The following ALK variants were observed in gnomAD, a reference collection of about 807,000 sequenced individuals.
The protein encoded by ALK is ALK tyrosine kinase receptor.
A neutral mutation model predicts 163.1 loss-of-function variants in ALK; 74 were observed. The observed-to-expected ratio is 0.45, with a 90% CI of 0.38 to 0.55. The LOEUF (loss-of-function observed/expected upper bound fraction) is 0.55, where lower values mean the gene tolerates loss of function less well. ALK is among the 20% of genes least tolerant of loss of function. The pLI is 0.00. For missense variants in ALK, 2,063 were observed against 2,105.3 expected, an observed-to-expected ratio of 0.98 and a Z score of 0.39; for synonymous variants, 960 against 843.2, an observed-to-expected ratio of 1.14 and a Z score of -2.40.
intron 1 of ALK, among the ~76,000 whole-genome samples, chr2:29,852,719 C>A (rs1019955377): frequency 6.6e-6 from 1 of 152,126 alleles, no homozygotes; most frequent in African/African-American, 2.4e-5. Context: ...AAGCCTAAAT[C>A]CCCAGTGTGA....
chr2:29,846,251 C>A (rs911528378), intron 1 of ALK, among the ~76,000 whole-genome samples: 1 of 152,146 alleles, frequency 6.6e-6, no homozygotes, highest in African/African-American at 2.4e-5. Flanking sequence ...TGGCACTTGC[C>A]CCCCCACCTG....
At chr2:29,526,460 T>C (rs1672963179) in intron 4 of ALK, among the ~76,000 whole-genome samples, 1 of 152,234 alleles carries the variant, frequency 6.6e-6, no homozygotes, top group Non-Finnish European at 1.5e-5. Context: ...AAATTACCTT[T>C]AGAGCCTTTG....
chr2:29,884,388 T>C (rs1347455129), intron 1 of ALK, among the ~76,000 whole-genome samples: 2 of 152,152 alleles, frequency 1.3e-5, no homozygotes, highest in Non-Finnish European at 2.9e-5. Flanking sequence ...GATGAATTGC[T>C]TGATATGTGC....
At chr2:29,194,946 A>G (rs1222826404) in intron 28 of ALK, among the ~76,000 whole-genome samples, 2 of 152,226 alleles carry the variant, frequency 1.3e-5, no homozygotes, top group African/African-American at 2.4e-5. Flanking sequence ...AGCAGCTGCC[A>G]GAAGTTTAGG....
intron 3 of ALK, among the ~76,000 whole-genome samples, chr2:29,656,188 T>C (rs901592034): frequency 2.0e-5 from 3 of 152,124 alleles, no homozygotes; most frequent in Non-Finnish European, 4.4e-5. Flanking sequence ...CATTAAATAC[T>C]TCATTAACCC....
intron 8 of ALK, among the ~76,000 whole-genome samples, chr2:29,297,949 G>C (rs1026458155): frequency 1.3e-5 from 2 of 152,080 alleles, no homozygotes; most frequent in Non-Finnish European, 2.9e-5. Flanking sequence ...TATGTCTTAT[G>C]GTAAACTGGC....
intron 5 of ALK, among the ~76,000 whole-genome samples, chr2:29,341,449 C>G (rs972729110): frequency 2.6e-5 from 4 of 152,186 alleles, no homozygotes; most frequent in Admixed American, 1.3e-4. Context: ...GGCTGGGAGA[C>G]AGTCAGCAAG....
intron 8 of ALK, among the ~76,000 whole-genome samples, chr2:29,297,715 T>A (rs1666237860): frequency 1.3e-5 from 2 of 152,248 alleles, no homozygotes; most frequent in Admixed American, 1.3e-4. Flanking sequence ...TTTCATTGTG[T>A]CTTTATTAAA....
rs1322423122 is a variant in ALK, at chr2:29,318,408, G to C, written c.1547-4C>G. The C allele has an allele frequency of 1.2e-6, 2 of 1,605,182 alleles. No individual in the cohort carries two copies. Among genetic ancestry groups the C allele is most frequent in the Admixed American group, 3.3e-5 (2 of 59,976 alleles). Reference sequence around the variant, plus strand: ...GTACTGAGCAATAGAGCATGGTCTAGGAGAGAGGAAAAGAATCACAAGCAC... The same window carrying C: ...GTACTGAGCAATAGAGCATGGTCTACGAGAGAGGAAAAGAATCACAAGCAC... On this transcript the variant is annotated splice_region_variant and splice_polypyrimidine_tract_variant and intron_variant, in intron 7 of 28. Transcript: ENST00000389048.
At chr2:29,642,089 C>T (rs1459032351) in intron 3 of ALK, among the ~76,000 whole-genome samples, 2 of 152,168 alleles carry the variant, frequency 1.3e-5, no homozygotes, top group African/African-American at 4.8e-5. Flanking sequence ...TAGGACACTG[C>T]TTTGCAGTGT....
intron 1 of ALK, among the ~76,000 whole-genome samples, chr2:29,818,217 G>A (rs1306823839): frequency 1.3e-5 from 2 of 152,292 alleles, no homozygotes; most frequent in African/African-American, 2.4e-5. Flanking sequence ...ACAAACACCT[G>A]CATGGATGTC....
At chr2:29,833,908 T>C (rs775398481) in intron 1 of ALK, among the ~76,000 whole-genome samples, 1 of 152,204 alleles carries the variant, frequency 6.6e-6, no homozygotes, top group Non-Finnish European at 1.5e-5. Context: ...ACTCGAGATC[T>C]CTTATAGACT....
chr2:29,370,823 A>G (rs149908400), intron 5 of ALK, among the ~76,000 whole-genome samples: 1,829 of 152,328 alleles, frequency 0.012, 18 homozygotes, highest in Non-Finnish European at 0.017. Context: ...ATGTTGGCCC[A>G]TCATCCCCTA....
intron 9 of ALK, among the ~76,000 whole-genome samples, chr2:29,278,618 T>C (rs954452851): frequency 3.3e-5 from 5 of 152,230 alleles, no homozygotes; most frequent in Non-Finnish European, 7.3e-5. Flanking sequence ...AGCCCAAGCC[T>C]GGGATCTCAA....
chr2:29,617,654 C>G (rs1026899762), intron 3 of ALK, among the ~76,000 whole-genome samples: 1 of 152,200 alleles, frequency 6.6e-6, no homozygotes, highest in South Asian at 2.1e-4. Flanking sequence ...AGAAACCCCC[C>G]TTCCCTTGAC....
intron 1 of ALK, among the ~76,000 whole-genome samples, chr2:29,763,281 A>G (rs758882987): frequency 6.6e-6 from 1 of 152,050 alleles, no homozygotes; most frequent in Non-Finnish European, 1.5e-5. Flanking sequence ...AATGCATGGT[A>G]TCAGTATAGA....
chr2:29,633,098 C>G (rs1182206091), intron 3 of ALK, among the ~76,000 whole-genome samples: 1 of 152,152 alleles, frequency 6.6e-6, no homozygotes, highest in Non-Finnish European at 1.5e-5. Flanking sequence ...GTTACACAAC[C>G]TCATCTATGG....
intron 3 of ALK, among the ~76,000 whole-genome samples, chr2:29,632,135 G>C (rs1292701327): frequency 2.0e-5 from 3 of 152,190 alleles, no homozygotes; most frequent in Non-Finnish European, 4.4e-5. Flanking sequence ...AGGATAGGTG[G>C]TAACTCCCAG....
intron 3 of ALK, among the ~76,000 whole-genome samples, chr2:29,574,239 G>A (rs1403749463): frequency 1.3e-5 from 2 of 152,192 alleles, no homozygotes; most frequent in East Asian, 1.9e-4. Context: ...TCTTACCACT[G>A]CATCTCCCTA....
Sources: gnomAD v4.1 joint callset for allele counts (sites outside exome capture counted in the v4.1 genomes callset) on GRCh38, gnomAD v4.1.1 for gene constraint, MANE v1.5 for transcripts, NCBI Gene and HGNC (gene_info 2026-07-23, HGNC 2026-07-21) for gene names.